Variants in SLC25A48 observed in about 807,000 individuals in gnomAD.
SLC25A48 encodes the protein CTC-321K16.1.
SLC25A48 carries 29 observed loss-of-function variants against 32.2 expected under a neutral mutation model. The ratio of observed to expected loss-of-function variants is 0.90; its 90% CI spans 0.67 to 1.23. The LOEUF (loss-of-function observed/expected upper bound fraction) is 1.23. Among genes scored for constraint, SLC25A48 ranks in the 50% most tolerant of loss-of-function variants. The pLI is 0.00. For synonymous variants in SLC25A48, 164 were observed against 172.3 expected, an observed-to-expected ratio of 0.95 and a Z score of 0.38; for missense variants, 399 against 422.7, an observed-to-expected ratio of 0.94 and a Z score of 0.49.
chr5:135,768,424 G>C (rs1580857455), intron 3 of SLC25A48, among the ~76,000 whole-genome samples: 1 of 151,198 alleles, frequency 6.6e-6, no homozygotes, highest in Admixed American at 6.6e-5. Flanking sequence ...GATATTGTTC[G>C]TAAAATTAAG....
At chr5:135,773,894 A>C (rs914290443) in intron 3 of SLC25A48, among the ~76,000 whole-genome samples, 8 of 151,612 alleles carry the variant, frequency 5.3e-5, no homozygotes, top group African/African-American at 1.9e-4. Context: ...CCAATGTGAT[A>C]TTGGTCTTAA....
chr5:135,646,870 A>G (rs768357099), intron 3 of SLC25A48, among the ~76,000 whole-genome samples: 1 of 151,480 alleles, frequency 6.6e-6, no homozygotes, highest in Non-Finnish European at 1.5e-5. Context: ...TCAATTATAC[A>G]GGATGAATAG....
intron 3 of SLC25A48, among the ~76,000 whole-genome samples, chr5:135,770,196 A>C (rs2126607929): frequency 6.6e-6 from 1 of 151,882 alleles, no homozygotes; most frequent in South Asian, 2.1e-4. Context: ...CCAATATCGC[A>C]GGGGGTGTAC....
In SLC25A48 at chr5:135,879,996, C is replaced by T. The variant is rs200806048; in HGVS notation, c.842C>T (p.Ala281Val). The T allele has an allele frequency of 1.2e-3, 1,861 of 1,536,390 alleles. 1 individual carries two copies. Among genetic ancestry groups the T allele is most frequent in the Non-Finnish European group, 1.5e-3 (1,736 of 1,146,958 alleles). The change falls in exon 7 of 8, where the codon GCG becomes GTG. Residue 281 changes from alanine to valine, a missense_variant. Transcript: ENST00000681962. ...KVFFRGITVN[A>V]VRGFPMSAAM... ...TTTTTCAGAGGCATCACTGTGAACG[C>T]GGTGCGGGGCTTCCCCATGAGTGCG...
intron 3 of SLC25A48, among the ~76,000 whole-genome samples, chr5:135,775,941 G>A (rs1380942516): frequency 1.3e-5 from 2 of 151,656 alleles, no homozygotes; most frequent in Admixed American, 6.6e-5. Context: ...CTGTGATATT[G>A]TTCCTCATAT....
intron 3 of SLC25A48, among the ~76,000 whole-genome samples, chr5:135,707,093 G>A (rs1754533807): frequency 1.3e-5 from 2 of 152,246 alleles, no homozygotes; most frequent in South Asian, 4.1e-4. Context: ...GGTGTGGGCG[G>A]CAGGGGCCCC....
intron 3 of SLC25A48, among the ~76,000 whole-genome samples, chr5:135,790,993 C>T (rs191941543): frequency 1.3e-4 from 20 of 150,400 alleles, no homozygotes; most frequent in African/African-American, 3.9e-4. Flanking sequence ...TGTATAATTA[C>T]GGGGGGGGTG....
intron 4 of SLC25A48, among the ~76,000 whole-genome samples, chr5:135,818,032 T>G (rs1757770810): frequency 6.8e-6 from 1 of 146,296 alleles, no homozygotes; most frequent in African/African-American, 2.5e-5. Context: ...GGGGAGAGTT[T>G]CCCAGGTTTG....
chr5:135,759,655 CA>C (rs1756013845), intron 3 of SLC25A48, among the ~76,000 whole-genome samples: 1 of 152,098 alleles, frequency 6.6e-6, no homozygotes, highest in South Asian at 2.1e-4. Flanking sequence ...TTGGTCCTCA[CA>C]AATGCCACAT....
chr5:135,626,589 C>T (rs2126903268), intron 1 of SLC25A48, among the ~76,000 whole-genome samples: 2 of 152,272 alleles, frequency 1.3e-5, no homozygotes, highest in African/African-American at 4.8e-5. Context: ...TGCTTGCATA[C>T]ATGTGTGTTT....
chr5:135,761,427 G>A (rs1039950893), intron 3 of SLC25A48, among the ~76,000 whole-genome samples: 1 of 151,990 alleles, frequency 6.6e-6, no homozygotes, highest in Admixed American at 6.6e-5. Context: ...TTGTGCACAT[G>A]TACCCTAGAA....
intron 3 of SLC25A48, among the ~76,000 whole-genome samples, chr5:135,638,625 C>A (rs2521965): frequency 0.46 from 70,018 of 151,650 alleles, 16,401 homozygotes; most frequent in South Asian, 0.51. Context: ...ATACCAAATC[C>A]CCAGGGATAG....
intron 7 of SLC25A48, among the ~76,000 whole-genome samples, chr5:135,882,547 T>C (rs1482378731): frequency 6.6e-6 from 1 of 152,202 alleles, no homozygotes; most frequent in Non-Finnish European, 1.5e-5. Context: ...TCTAAGAGCC[T>C]GCAGGGGATA....
intron 3 of SLC25A48, chr5:135,649,376 A>G (rs1428192951): frequency 6.6e-6 from 1 of 152,194 alleles, no homozygotes; most frequent in Admixed American, 6.5e-5. Context: ...TGTTTTCTTC[A>G]TCAAGTGTTG....
intron 3 of SLC25A48, among the ~76,000 whole-genome samples, chr5:135,720,772 T>C (rs1754932226): frequency 6.6e-6 from 1 of 151,622 alleles, no homozygotes; most frequent in African/African-American, 2.4e-5. Context: ...TGAACAAAAA[T>C]GGGGAGTGGA....
intron 2 of SLC25A48, among the ~76,000 whole-genome samples, chr5:135,634,490 A>T (rs554578774): frequency 1.3e-5 from 2 of 152,328 alleles, no homozygotes; most frequent in East Asian, 3.9e-4. Context: ...AGAGAAAGAG[A>T]AGGCTTGGGC....
intron 3 of SLC25A48, among the ~76,000 whole-genome samples, chr5:135,796,974 G>C (rs909655551): frequency 6.6e-6 from 1 of 151,632 alleles, no homozygotes; most frequent in Non-Finnish European, 1.5e-5. Flanking sequence ...AATATCAAGG[G>C]TGGTTTTCAC....
rs146620377 is a variant in SLC25A48 at position 135,862,671 on chromosome 5, G to A, written c.422-8790G>A. Among the ~76,000 whole-genome samples, 589 of 152,292 alleles carry A rather than the reference G, an allele frequency of 3.9e-3. 4 individuals carry two copies. The highest frequency in any genetic ancestry group is 5.9e-3 in the Non-Finnish European group (402 of 68,038). On this transcript the variant is annotated intron_variant, in intron 4 of 7. Transcript: ENST00000681962. ...CCAGAAAGGAAGAGGCTGTTGATCG[G>A]GTTTTTTAGTTCTACGTAGCATTTA...
At chr5:135,736,762 G>A (rs1168635270) in intron 3 of SLC25A48, among the ~76,000 whole-genome samples, 5 of 152,150 alleles carry the variant, frequency 3.3e-5, no homozygotes. Context: ...TCCCAAGTCT[G>A]TGACCGGTGC....
Sources: allele counts gnomAD v4.1 joint callset (sites outside exome capture counted in the v4.1 genomes callset), GRCh38; gene constraint gnomAD v4.1.1; transcripts MANE v1.5; gene names NCBI Gene and HGNC (gene_info 2026-07-23, HGNC 2026-07-21).